Variants in METTL8 observed in about 807,000 individuals in gnomAD.
The protein encoded by METTL8 is methyltransferase 8, tRNA N3-cytidine.
In METTL8, 32 loss-of-function variants were observed where a neutral mutation model predicts 48.7. That is an observed-to-expected ratio of 0.66 (90% CI 0.50 to 0.88). The LOEUF (loss-of-function observed/expected upper bound fraction) is 0.88. METTL8 is among the 40% of genes least tolerant of loss of function. The probability of loss-of-function intolerance (pLI) is 0.00; values close to 1 mark genes in which losing one functional copy is unlikely to be tolerated. For synonymous variants in METTL8, 136 were observed against 157.1 expected, an observed-to-expected ratio of 0.87 and a Z score of 1.01; for missense variants, 464 against 474.4, an observed-to-expected ratio of 0.98 and a Z score of 0.20.
At chr2:171,371,419 C>A (rs1445600227) in intron 2 of METTL8, among the ~76,000 whole-genome samples, 1 of 152,144 alleles carries the variant, frequency 6.6e-6, no homozygotes, top group Non-Finnish European at 1.5e-5. Context: ...TGCTGTGGCA[C>A]CATCTCGGTT....
rs1684425021 is a variant in METTL8, at chr2:171,319,550, C to G, written c.*4622G>C. The G allele has an allele frequency of 6.6e-6, 1 of 152,210 alleles. No homozygotes were observed. The allele number at this position is 152,210 out of a possible 1,614,324, so 9.4% of individuals were successfully genotyped here. A position where few individuals can be genotyped will look rare whatever the true frequency, so the allele number is the denominator to read the frequency against. Reference sequence around the variant, plus strand: ...ATATGGGTGAATTTTCACGTACAAGCTAGAGTACAGCAACGACTTAGAATC... The same window carrying G: ...ATATGGGTGAATTTTCACGTACAAGGTAGAGTACAGCAACGACTTAGAATC... On this transcript the variant is annotated 3_prime_UTR_variant, in exon 10 of 10. Transcript: ENST00000375258.
chr2:171,418,661 T>C (rs1419766612), intron 1 of METTL8, among the ~76,000 whole-genome samples: 2 of 152,072 alleles, frequency 1.3e-5, no homozygotes, highest in Non-Finnish European at 2.9e-5. Flanking sequence ...TTAAGAGCTC[T>C]TTCAAGCCAG....
chr2:171,360,901 T>TAAA (rs1685096181), intron 2 of METTL8, among the ~76,000 whole-genome samples: 3 of 152,236 alleles, frequency 2.0e-5, no homozygotes, highest in Admixed American at 2.0e-4. Flanking sequence ...AATGCTCCTC[T>TAAA]TACAACACTT....
At chr2:171,419,847 T>C (rs1161704533) in intron 1 of METTL8, among the ~76,000 whole-genome samples, 4 of 152,026 alleles carry the variant, frequency 2.6e-5, no homozygotes, top group African/African-American at 9.7e-5. Flanking sequence ...GACAAAATAG[T>C]TCCACCACCC....
At chr2:171,415,169 GAA>G (rs917405783) in intron 1 of METTL8, among the ~76,000 whole-genome samples, 2 of 150,086 alleles carry the variant, frequency 1.3e-5, no homozygotes, top group African/African-American at 4.9e-5. Flanking sequence ...TTATTAGGTA[GAA>G]AAAAAAAGTC....
At chr2:171,367,748 A>G (rs1315054355) in intron 2 of METTL8, among the ~76,000 whole-genome samples, 1 of 152,236 alleles carries the variant, frequency 6.6e-6, no homozygotes, top group Non-Finnish European at 1.5e-5. Context: ...CAATATCACA[A>G]ATGTTGGAGG....
chr2:171,389,720 T>C (rs1437145756), intron 2 of METTL8, among the ~76,000 whole-genome samples: 1 of 151,950 alleles, frequency 6.6e-6, no homozygotes, highest in East Asian at 1.9e-4. Context: ...AGAGATGAGG[T>C]AGCTGCAGAA....
At chr2:171,394,418 C>T (rs954557578) in intron 1 of METTL8, among the ~76,000 whole-genome samples, 1 of 151,890 alleles carries the variant, frequency 6.6e-6, no homozygotes, top group Non-Finnish European at 1.5e-5. Context: ...AAGAGTTTCT[C>T]TCACTATAAA....
In METTL8 at chr2:171,355,708, G is replaced by A. The variant is rs555920593; in HGVS notation, c.235+4714C>T. Among the ~76,000 whole-genome samples the A allele has an allele frequency of 3.9e-5, 6 of 152,200 alleles. No individual in the cohort carries two copies. In the South Asian group the frequency reaches 6.2e-4, roughly 16 times the overall value. On this transcript the variant is annotated intron_variant, in intron 3 of 9. Coordinates refer to ENST00000375258, the MANE Select transcript of METTL8 (RefSeq NM_001321154.2). ...CAGCCTCGCTGCCACCTTGCAGTTCGATCTCAGACTGCTGTGCTAGCAATG... is the reference window on the plus strand; with the variant it reads ...CAGCCTCGCTGCCACCTTGCAGTTCAATCTCAGACTGCTGTGCTAGCAATG...
chr2:171,335,236 GA>G (rs1685962773), intron 5 of METTL8, among the ~76,000 whole-genome samples: 1 of 152,002 alleles, frequency 6.6e-6, no homozygotes, highest in Non-Finnish European at 1.5e-5. Context: ...ATGATAGTAG[GA>G]AACTACTCAC....
chr2:171,402,990 A>G lies in METTL8; in HGVS notation c.-12-10793T>C, dbSNP rs58753765. On this transcript the variant is annotated intron_variant, in intron 1 of 9. Coordinates refer to ENST00000375258, the MANE Select transcript of METTL8 (RefSeq NM_001321154.2). ...TTACAACCCAAAGTATAAAATAAAT[A>G]TCCATGTATCCATACTGATATAAAT... Among the ~76,000 whole-genome samples, 931 of 152,304 alleles carry G rather than the reference A, an allele frequency of 6.1e-3. 7 individuals are homozygous for G. The highest frequency in any genetic ancestry group is 0.021 in the African/African-American group (891 of 41,568).
rs1684518867 is a variant in METTL8 at position 171,321,436 on chromosome 2, G to A, written c.*2736C>T. ...CTGGCTAATTTTTGTATTTTTGGTA[G>A]AGATAGGGTTTTTCCCATGTTGCCC... is the stretch of plus-strand genomic sequence containing the variant. On this transcript the variant is annotated 3_prime_UTR_variant, in exon 10 of 10. Transcript: ENST00000375258. 6.6e-6 allele frequency: 1 copy of A among 152,318 alleles called. No individual in the cohort carries two copies. Among genetic ancestry groups the A allele is most frequent in the South Asian group, 2.1e-4 (1 of 4,814 alleles). 9.4% of individuals were successfully genotyped at this position (152,318 alleles called of 1,614,324 possible).
intron 2 of METTL8, among the ~76,000 whole-genome samples, chr2:171,363,515 G>C (rs1685374703): frequency 6.6e-6 from 1 of 151,754 alleles, no homozygotes; most frequent in African/African-American, 2.4e-5. Context: ...ATAGAGTTTG[G>C]CCAATAAATT....
chr2:171,399,843 T>G (rs1350296477), intron 1 of METTL8, among the ~76,000 whole-genome samples: 1 of 151,984 alleles, frequency 6.6e-6, no homozygotes, highest in Non-Finnish European at 1.5e-5. Context: ...TGAAAAAATA[T>G]TTTGGAAAGT....
chr2:171,396,851 CTT>C (rs538433167), intron 1 of METTL8, among the ~76,000 whole-genome samples: 1 of 141,312 alleles, frequency 7.1e-6, no homozygotes, highest in African/African-American at 2.5e-5. Flanking sequence ...CAGCTTCTAT[CTT>C]TTTTTTTTTT....
At chr2:171,412,113 ATC>A (rs1178269494) in intron 1 of METTL8, among the ~76,000 whole-genome samples, 2 of 152,356 alleles carry the variant, frequency 1.3e-5, no homozygotes, top group African/African-American at 4.8e-5. Context: ...AGGAAATAAT[ATC>A]TGTCATAACT....
chr2:171,391,324 A>G lies in METTL8; in HGVS notation c.143+719T>C, dbSNP rs558080182. Among the ~76,000 whole-genome samples the G allele has an allele frequency of 7.9e-5, 12 of 152,354 alleles. No homozygotes were observed. The South Asian group carries it at 2.5e-3, about 32-fold the overall frequency. On this transcript the variant is annotated intron_variant, in intron 2 of 9. Coordinates refer to ENST00000375258, the MANE Select transcript of METTL8 (RefSeq NM_001321154.2). ...TTTTATATGCACTGGGAAACCAAAA[A>G]AATTGTGTGACTCACTTTATTGCAA...
At chr2:171,327,098 G>T (rs1019838073) in intron 7 of METTL8, 6 of 152,142 alleles carry the variant, frequency 3.9e-5, no homozygotes, top group African/African-American at 1.4e-4. Flanking sequence ...TTTCCTCAAA[G>T]AATTCTCTCC....
intron 3 of METTL8, among the ~76,000 whole-genome samples, chr2:171,342,610 T>TA (rs1686886266): frequency 7.5e-6 from 1 of 134,176 alleles, no homozygotes; most frequent in Non-Finnish European, 1.7e-5. Context: ...CTTCTTCCTT[T>TA]ACCTTAAAAA....
Sources: gnomAD v4.1 joint callset for allele counts (sites outside exome capture counted in the v4.1 genomes callset) on GRCh38, gnomAD v4.1.1 for gene constraint, MANE v1.5 for transcripts, NCBI Gene and HGNC (gene_info 2026-07-23, HGNC 2026-07-21) for gene names.